CEP350: variants seen among roughly 807,000 people sequenced by gnomAD.
The protein encoded by CEP350 is centrosome-associated protein 350.
In CEP350, 126 loss-of-function variants were observed where a neutral mutation model predicts 331.8. The observed-to-expected ratio is 0.38, with a 90% CI of 0.33 to 0.44. The LOEUF (loss-of-function observed/expected upper bound fraction) is 0.44. Among genes scored for constraint, CEP350 ranks in the 20% least tolerant of loss-of-function variants. The pLI is 1.00. For missense variants in CEP350, 3,406 were observed against 3,634.6 expected (o/e 0.94, Z 1.62); for synonymous variants, 1,200 against 1,259.5 (o/e 0.95, Z 1.00).
At chr1:180,047,972 G>T (rs769063237) in intron 21 of CEP350, among the ~76,000 whole-genome samples, 1 of 151,970 alleles carries the variant, frequency 6.6e-6, no homozygotes, top group African/African-American at 2.4e-5. Flanking sequence ...TAGAAAAGTT[G>T]CAAGAATAAT....
At chr1:180,074,451 A>C (rs1459793076) in intron 27 of CEP350, among the ~76,000 whole-genome samples, 3 of 152,226 alleles carry the variant, frequency 2.0e-5, no homozygotes, top group African/African-American at 7.2e-5. Context: ...AAAAAGATTT[A>C]CCACTTGACA....
In CEP350 at chr1:180,021,042, TA is replaced by T; in HGVS notation, c.3235+34del. ...AAATAAATATAGCTTGTACTGTTTG[TA>T]TATTAAGATGAATTATTTTATAATT... On this transcript the variant is annotated intron_variant, in intron 12 of 37. Coordinates refer to ENST00000367607, the MANE Select transcript of CEP350 (RefSeq NM_014810.5). 2.8e-6 allele frequency: 4 copies of T among 1,428,524 alleles called. No homozygotes were observed. In the South Asian group the frequency reaches 4.8e-5, roughly 17 times the overall value. 88.5% of individuals were successfully genotyped at this position (1,428,524 alleles called of 1,614,324 possible). A position where few individuals can be genotyped will look rare whatever the true frequency, so the allele number is the denominator to read the frequency against.
rs1572020619 is a variant in CEP350, at chr1:180,113,822, T to C, written c.*2661T>C. The C allele has an allele frequency of 6.6e-6, 1 of 152,624 alleles. No homozygotes were observed. Among genetic ancestry groups the C allele is most frequent in the Non-Finnish European group, 1.5e-5 (1 of 68,042 alleles). The allele number at this position is 152,624 out of a possible 1,614,324, so 9.5% of individuals were successfully genotyped here. On this transcript the variant is annotated 3_prime_UTR_variant, in exon 38 of 38. Coordinates refer to ENST00000367607, the MANE Select transcript of CEP350 (RefSeq NM_014810.5). Reference sequence around the variant, plus strand: ...CTTCATAATTCCTCTAAGAAAAATATCTTTGCATCAGCAGTAATATCTTTT... The same window carrying C: ...CTTCATAATTCCTCTAAGAAAAATACCTTTGCATCAGCAGTAATATCTTTT...
In CEP350 at chr1:180,092,983, A is replaced by T; in HGVS notation, c.6878A>T (p.Asp2293Val). 6.2e-7 allele frequency: 1 copy of T among 1,601,510 alleles called. No individual in the cohort carries two copies. The highest frequency in any genetic ancestry group is 8.5e-7 in the Non-Finnish European group (1 of 1,172,862). The part of the protein sequence containing the change: ...VLLKLVLEQG[D>V]SSEILSKKDL... ...CTGAAATTAGTCCTAGAACAGGGAG[A>T]TTCATCTGAAATTCTTTCAAAGAAA... The change falls in exon 34 of 38, where the codon GAT (aspartate) becomes GTT (valine). Residue 2293 changes from aspartate (D) to valine (V), a missense_variant. Transcript: ENST00000367607.
At chr1:179,984,047 A>G (rs1352859030) in intron 1 of CEP350, among the ~76,000 whole-genome samples, 3 of 152,222 alleles carry the variant, frequency 2.0e-5, no homozygotes, top group Non-Finnish European at 2.9e-5. Flanking sequence ...ACAATTTGAC[A>G]TTGTATTTCA....
At chr1:180,002,814 T>C (rs1653954517) in intron 6 of CEP350, among the ~76,000 whole-genome samples, 1 of 152,150 alleles carries the variant, frequency 6.6e-6, no homozygotes, top group Admixed American at 6.5e-5. Context: ...CTTGAAAACA[T>C]TATGCAAAGT....
At chr1:179,968,051 G>C (rs10913916) in intron 1 of CEP350, among the ~76,000 whole-genome samples, 109,017 of 152,058 alleles carry the variant, frequency 0.72, 40,243 homozygotes, top group Admixed American at 0.8. Flanking sequence ...AGGAATAAGA[G>C]CAGGTGCTGT....
At chr1:179,969,249 A>G (rs777601797) in intron 1 of CEP350, 8 of 510,598 alleles carry the variant, frequency 1.6e-5, no homozygotes, top group South Asian at 1.3e-4. Context: ...TTCTACAGAG[A>G]TCCTGAAGAG....
chr1:180,060,074 T>C (rs1051739678), intron 25 of CEP350, among the ~76,000 whole-genome samples: 2 of 152,220 alleles, frequency 1.3e-5, no homozygotes, highest in Non-Finnish European at 2.9e-5. Context: ...AAAATATAGT[T>C]ACTTTCTTTA....
Position 180,004,574 on chromosome 1 carries a change from C to T in CEP350, c.1132+1287C>T, listed in dbSNP as rs571745553. On this transcript the variant is annotated intron_variant, in intron 7 of 37. Coordinates refer to ENST00000367607, the MANE Select transcript of CEP350 (RefSeq NM_014810.5). ...CAAAACTGCAAAAAGTTGCCTTATG[C>T]TCATTGTCTTCAATTTGTCTCCTCT... 2.0e-5 allele frequency among the ~76,000 whole-genome samples: 3 copies of T among 152,316 alleles called. No individual in the cohort carries two copies. The East Asian group carries it at 5.8e-4, about 29-fold the overall frequency.
chr1:180,001,488 G>A (rs1183539857), intron 6 of CEP350, among the ~76,000 whole-genome samples: 1 of 152,066 alleles, frequency 6.6e-6, no homozygotes, highest in Non-Finnish European at 1.5e-5. Flanking sequence ...CAAACTCTTG[G>A]CCTCAAGTGA....
intron 27 of CEP350, 89 bp from the exon 28 acceptor site, chr1:180,074,933 G>A: frequency 1.8e-6 from 2 of 1,128,324 alleles, no homozygotes; most frequent in Admixed American, 2.9e-5. Context: ...TGCACAGCTT[G>A]TTGATAAGGT....
At chr1:180,036,196 T>A (rs1199488533) in intron 16 of CEP350, among the ~76,000 whole-genome samples, 1 of 152,216 alleles carries the variant, frequency 6.6e-6, no homozygotes, top group African/African-American at 2.4e-5. Context: ...AAAAGTTGAA[T>A]GAATGAGTAG....
At chr1:179,984,547 G>A (rs1245588799) in intron 1 of CEP350, among the ~76,000 whole-genome samples, 1 of 152,154 alleles carries the variant, frequency 6.6e-6, no homozygotes, top group Admixed American at 6.5e-5. Context: ...ATGAGAATGC[G>A]TTTTATAGCC....
At chr1:180,055,243 T>A (rs1357922326) in intron 25 of CEP350, among the ~76,000 whole-genome samples, 3 of 152,210 alleles carry the variant, frequency 2.0e-5, no homozygotes, top group Non-Finnish European at 4.4e-5. Context: ...GTAATCATGG[T>A]CAAAGTTTAA....
intron 14 of CEP350, among the ~76,000 whole-genome samples, chr1:180,025,646 G>T (rs1274332232): frequency 6.6e-6 from 1 of 152,116 alleles, no homozygotes; most frequent in Non-Finnish European, 1.5e-5. Flanking sequence ...ACTAACACAG[G>T]AACAGAAAAC....
intron 32 of CEP350, among the ~76,000 whole-genome samples, chr1:180,089,701 T>C (rs1014514344): frequency 6.6e-6 from 1 of 152,196 alleles, no homozygotes; most frequent in African/African-American, 2.4e-5. Flanking sequence ...TTAATTTAAA[T>C]GGAAAAGGTG....
intron 5 of CEP350, among the ~76,000 whole-genome samples, chr1:179,995,864 T>G (rs989399073): frequency 1.3e-5 from 2 of 152,244 alleles, no homozygotes; most frequent in Non-Finnish European, 2.9e-5. Flanking sequence ...AGAAAATATT[T>G]ATTGTACTTC....
At chr1:179,992,013 G>A in intron 4 of CEP350, 49 bp from the exon 5 acceptor site, 2 of 1,456,574 alleles carry the variant, frequency 1.4e-6, no homozygotes, top group South Asian at 3.0e-5. Context: ...TAATTCAGAG[G>A]CAGTTGTATT....
Sources: allele counts gnomAD v4.1 joint callset (sites outside exome capture counted in the v4.1 genomes callset), GRCh38; gene constraint gnomAD v4.1.1; transcripts MANE v1.5; gene names NCBI Gene and HGNC (gene_info 2026-07-23, HGNC 2026-07-21).